The following ABCG2 variants were observed in gnomAD, a reference collection of about 807,000 sequenced individuals.
ABCG2 encodes ATP binding cassette subfamily G member 2 (JR blood group), also known as broad substrate specificity ATP-binding cassette transporter ABCG2.
A neutral mutation model predicts 73.5 loss-of-function variants in ABCG2; 80 were observed. The ratio of observed to expected loss-of-function variants is 1.09; its 90% confidence interval spans 0.91 to 1.31. The LOEUF (loss-of-function observed/expected upper bound fraction) is 1.31. Ranked by LOEUF, ABCG2 falls within the 50% of genes most tolerant of loss-of-function variation. The pLI is 0.00. For synonymous variants in ABCG2, 269 were observed against 282.4 expected (o/e 0.95, Z 0.48); for missense variants, 796 against 786.2 (o/e 1.01, Z -0.15).
chr4:88,214,536 T>A (rs1409824933), intron 1 of ABCG2, among the ~76,000 whole-genome samples: 1 of 151,922 alleles, frequency 6.6e-6, no homozygotes, highest in Non-Finnish European at 1.5e-5. Flanking sequence ...GCAGTGCAGG[T>A]CTTCTCTAGG....
intron 1 of ABCG2, among the ~76,000 whole-genome samples, chr4:88,206,070 C>A (rs1251558034): frequency 6.6e-6 from 1 of 152,186 alleles, no homozygotes; most frequent in East Asian, 1.9e-4. Context: ...CTGTCCTGTA[C>A]CCTGTCTCCA....
chr4:88,133,394 G>C (rs1438209968), intron 2 of ABCG2, among the ~76,000 whole-genome samples: 2 of 152,090 alleles, frequency 1.3e-5, no homozygotes, highest in African/African-American at 4.8e-5. Context: ...ATTTAGAAAA[G>C]TAAAAGATAT....
chr4:88,165,398 A>T (rs1234170180), intron 1 of ABCG2, among the ~76,000 whole-genome samples: 1 of 152,224 alleles, frequency 6.6e-6, no homozygotes, highest in Non-Finnish European at 1.5e-5. Context: ...TGTAGAGGCC[A>T]CCTGCATTCC....
chr4:88,092,567 C>A (rs1055985138), intron 15 of ABCG2, among the ~76,000 whole-genome samples, 186 bp from the exon 16 acceptor site: 5 of 152,130 alleles, frequency 3.3e-5, no homozygotes. Flanking sequence ...ACAACATGGA[C>A]CTAACTTAGT....
intron 1 of ABCG2, among the ~76,000 whole-genome samples, chr4:88,175,470 A>C (rs1727922601): frequency 6.6e-6 from 1 of 152,226 alleles, no homozygotes; most frequent in Non-Finnish European, 1.5e-5. Flanking sequence ...ACACTTCATT[A>C]AGAATTTGTT....
At chr4:88,183,757 A>C (rs1728346638) in intron 1 of ABCG2, among the ~76,000 whole-genome samples, 1 of 132,004 alleles carries the variant, frequency 7.6e-6, no homozygotes, top group Non-Finnish European at 1.7e-5. Context: ...AAGACACATC[A>C]AAAAAAAAAA....
chr4:88,164,654 C>T (rs1259657097), intron 1 of ABCG2, among the ~76,000 whole-genome samples: 4 of 152,144 alleles, frequency 2.6e-5, no homozygotes, highest in Non-Finnish European at 5.9e-5. Context: ...TATAAATTAC[C>T]CAGTCTCGGG....
In ABCG2 at chr4:88,091,971, T is replaced by C. The variant is rs184240013; in HGVS notation, c.*263A>G. ...TTTCCAGAATTCAATTCTCCTTTTTTAGATTAATAAATTAGACCAGATTTC... is the reference window on the plus strand; with the variant it reads ...TTTCCAGAATTCAATTCTCCTTTTTCAGATTAATAAATTAGACCAGATTTC... On this transcript the variant is annotated 3_prime_UTR_variant, in exon 16 of 16. Transcript: ENST00000237612. 5.7e-5 allele frequency: 17 copies of C among 296,010 alleles called. No homozygotes were observed. Among genetic ancestry groups the C allele is most frequent in the African/African-American group, 3.5e-4 (16 of 46,042 alleles). The allele number at this position is 296,010 out of a possible 1,614,324, so 18.3% of individuals were successfully genotyped here.
At chr4:88,126,784 A>G (rs994008511) in intron 5 of ABCG2, among the ~76,000 whole-genome samples, 3 of 152,232 alleles carry the variant, frequency 2.0e-5, no homozygotes, top group Non-Finnish European at 2.9e-5. Flanking sequence ...TCTCAAAATA[A>G]TAAGAGCTAT....
chr4:88,113,288 G>A lies in ABCG2; in HGVS notation c.1194+15C>T. The stretch of plus-strand genomic sequence containing the variant: ...TTGTTCCCATTTGAGTATTTCAAAA[G>A]AATCTGCTGGTTACCTGAGCTATAG... On this transcript the variant is annotated intron_variant, in intron 9 of 15. Coordinates refer to ENST00000237612, the MANE Select transcript of ABCG2 (RefSeq NM_004827.3). 1 of 1,609,842 alleles carries A rather than the reference G, an allele frequency of 6.2e-7. No homozygotes were observed. Among genetic ancestry groups the A allele is most frequent in the Non-Finnish European group, 8.5e-7 (1 of 1,178,712 alleles).
At chr4:88,092,755 A>G (rs1721721916) in intron 15 of ABCG2, among the ~76,000 whole-genome samples, 1 of 152,228 alleles carries the variant, frequency 6.6e-6, no homozygotes, top group African/African-American at 2.4e-5. Context: ...GGGCAGAAAT[A>G]TTTATCAAGT....
intron 1 of ABCG2, among the ~76,000 whole-genome samples, chr4:88,227,615 T>G (rs1423483240): frequency 2.6e-5 from 4 of 151,896 alleles, no homozygotes; most frequent in Non-Finnish European, 5.9e-5. Context: ...ATCTCTGGAG[T>G]TGGAGCCCAA....
At chr4:88,130,793 AGCATAAGGAAAGG>A (rs1359283878) in intron 5 of ABCG2, among the ~76,000 whole-genome samples, 1 of 152,182 alleles carries the variant, frequency 6.6e-6, no homozygotes, top group Non-Finnish European at 1.5e-5. Context: ...GTGGGGGAGG[AGCATAAGGAAAGG>A]CCAGGTGATG....
chr4:88,131,600 C>T (rs1304684775), intron 4 of ABCG2, among the ~76,000 whole-genome samples: 1 of 152,198 alleles, frequency 6.6e-6, no homozygotes, highest in Non-Finnish European at 1.5e-5. Flanking sequence ...GAATTGGTAT[C>T]ACTGTCCTTA....
chr4:88,227,044 G>A (rs945004735), intron 1 of ABCG2, among the ~76,000 whole-genome samples: 1 of 152,098 alleles, frequency 6.6e-6, no homozygotes, highest in Non-Finnish European at 1.5e-5. Flanking sequence ...AGGCTGTAGT[G>A]AGCCTTGTTC....
intron 1 of ABCG2, among the ~76,000 whole-genome samples, chr4:88,179,167 C>T (rs543417502): frequency 1.3e-5 from 2 of 152,290 alleles, no homozygotes; most frequent in South Asian, 4.1e-4. Flanking sequence ...TTGTGTTACC[C>T]CTCTCCTAGC....
chr4:88,133,471 T>C (rs1413614089), intron 2 of ABCG2, among the ~76,000 whole-genome samples: 1 of 152,212 alleles, frequency 6.6e-6, no homozygotes, highest in Admixed American at 6.5e-5. Flanking sequence ...ATTCCAAGTT[T>C]AGAAGGAGAA....
chr4:88,152,623 C>A (rs1274145801), intron 1 of ABCG2, among the ~76,000 whole-genome samples: 1 of 152,030 alleles, frequency 6.6e-6, no homozygotes, highest in South Asian at 2.1e-4. Context: ...ATTTTCAGTT[C>A]TTTTGTGGTG....
At chr4:88,163,768 G>A, upstream of ABCG2, 1 of 397,102 alleles carries the variant, frequency 2.5e-6, no homozygotes, top group Non-Finnish European at 5.0e-6. Flanking sequence ...AGATGTGTGT[G>A]TTAATACCAG....
Sources: allele counts gnomAD v4.1 joint callset (sites outside exome capture counted in the v4.1 genomes callset), GRCh38; gene constraint gnomAD v4.1.1; transcripts MANE v1.5; gene names NCBI Gene and HGNC (gene_info 2026-07-23, HGNC 2026-07-21).